The following NT5C2 variants were observed in gnomAD, a reference collection of about 807,000 sequenced individuals.
NT5C2 encodes cytosolic purine 5'-nucleotidase.
A neutral mutation model predicts 76.1 loss-of-function variants in NT5C2; 58 were observed. The observed-to-expected ratio is 0.76, with a 90% CI of 0.62 to 0.95. NT5C2 has a LOEUF of 0.95. Among genes scored for constraint, NT5C2 ranks in the 40% least tolerant of loss-of-function variants. NT5C2 has a pLI of 0.00. For missense variants in NT5C2, 478 were observed against 690.3 expected (o/e 0.69, Z 3.45); for synonymous variants, 229 against 237.4 (o/e 0.96, Z 0.32).
intron 6 of NT5C2, among the ~76,000 whole-genome samples, chr10:103,104,885 C>T (rs1307212215): frequency 6.6e-6 from 1 of 152,160 alleles, no homozygotes; most frequent in East Asian, 1.9e-4. Flanking sequence ...GGAAAAGTTA[C>T]ATAAGAGACT....
chr10:103,091,641 A>G, intron 15 of NT5C2, 26 bp from the exon 16 acceptor site: 1 of 1,592,014 alleles, frequency 6.3e-7, no homozygotes. Context: ...AAGGAAAAGG[A>G]AGACATTTTA....
Position 103,173,345 on chromosome 10 carries a change from C to T in NT5C2, c.101+1513G>A, listed in dbSNP as rs1216571388. On this transcript the variant is annotated intron_variant, in intron 3 of 18. Coordinates refer to ENST00000404739, the MANE Select transcript of NT5C2 (RefSeq NM_001351169.2). ...TAATAATTTCATTCTTGGCCAGGCG[C>T]GGTGGCTCACGCCTGTAATCCCAGC... Among the ~76,000 whole-genome samples, 4 of 151,620 alleles carry T rather than the reference C, an allele frequency of 2.6e-5. No homozygotes were observed. The East Asian group carries it at 5.9e-4, about 22-fold the overall frequency.
chr10:103,145,089 A>C (rs1423428567), intron 3 of NT5C2, among the ~76,000 whole-genome samples: 1 of 152,214 alleles, frequency 6.6e-6, no homozygotes. Context: ...TGAATAGCTG[A>C]AGTGCATAAG....
chr10:103,107,901 TC>T (rs1161547660), intron 4 of NT5C2, among the ~76,000 whole-genome samples: 6 of 152,078 alleles, frequency 3.9e-5, no homozygotes. Context: ...ACGCCTGTAA[TC>T]CCAGCACTTT....
chr10:103,102,651 GAGC>G (rs2070072134), intron 6 of NT5C2, among the ~76,000 whole-genome samples: 1 of 151,642 alleles, frequency 6.6e-6, no homozygotes, highest in African/African-American at 2.4e-5. Flanking sequence ...CCGGCAAACT[GAGC>G]AGATTTGGCT....
chr10:103,176,557 C>T (rs925776930), intron 2 of NT5C2, among the ~76,000 whole-genome samples: 3 of 152,124 alleles, frequency 2.0e-5, no homozygotes. Flanking sequence ...AGGCCACTGC[C>T]TCATCTAGGT....
chr10:103,191,581 G>C (rs544720571), intron 1 of NT5C2, among the ~76,000 whole-genome samples: 1 of 152,100 alleles, frequency 6.6e-6, no homozygotes, highest in Non-Finnish European at 1.5e-5. Flanking sequence ...GGTACTATAA[G>C]GGAATACTAT....
At chr10:103,101,189 C>T (rs1299352333) in intron 7 of NT5C2, 46 bp downstream of exon 7, 1 of 1,419,624 alleles carries the variant, frequency 7.0e-7, no homozygotes, top group South Asian at 1.2e-5. Context: ...GACTAATGGT[C>T]ACAGAAGGGA....
At chr10:103,123,011 ACTAAT>A (rs2075977699) in intron 4 of NT5C2, among the ~76,000 whole-genome samples, 1 of 152,140 alleles carries the variant, frequency 6.6e-6, no homozygotes, top group South Asian at 2.1e-4. Context: ...CTTTTCTCTC[ACTAAT>A]CTGTCTTTTC....
At chr10:103,130,825 C>G (rs1464117714) in intron 4 of NT5C2, among the ~76,000 whole-genome samples, 1 of 151,900 alleles carries the variant, frequency 6.6e-6, no homozygotes, top group African/African-American at 2.4e-5. Flanking sequence ...TTAATAGGAA[C>G]CATTAAAAAG....
chr10:103,100,293 TTTTA>T (rs2069238239), intron 8 of NT5C2, among the ~76,000 whole-genome samples: 2 of 152,226 alleles, frequency 1.3e-5, no homozygotes, highest in South Asian at 2.1e-4. Flanking sequence ...TGTCAGGTTT[TTTTA>T]TTTATCACTT....
At chr10:103,179,453 CAAAAT>C (rs2090678106) in intron 2 of NT5C2, among the ~76,000 whole-genome samples, 1 of 151,898 alleles carries the variant, frequency 6.6e-6, no homozygotes, top group Non-Finnish European at 1.5e-5. Context: ...GAGTGATATA[CAAAAT>C]AAAACAAACA....
At chr10:103,142,244 C>A (rs750807492) in intron 3 of NT5C2, among the ~76,000 whole-genome samples, 1 of 151,924 alleles carries the variant, frequency 6.6e-6, no homozygotes, top group Non-Finnish European at 1.5e-5. Flanking sequence ...GACTTTATCC[C>A]GCATTTAAGA....
intron 8 of NT5C2, among the ~76,000 whole-genome samples, chr10:103,100,235 G>T (rs1488818755): frequency 1.3e-5 from 2 of 152,194 alleles, no homozygotes; most frequent in Non-Finnish European, 2.9e-5. Flanking sequence ...AATACAAAGT[G>T]ATAGAAGAAT....
At chr10:103,165,675 AT>A (rs35146429) in intron 3 of NT5C2, among the ~76,000 whole-genome samples, 58,730 of 142,384 alleles carry the variant, frequency 0.41, 11,885 homozygotes, top group East Asian at 0.54. Context: ...TCCCAAGAGA[AT>A]TTTTTTTTTT....
intron 2 of NT5C2, 46 bp from the exon 3 acceptor site, chr10:103,175,028 T>A: frequency 1.9e-6 from 2 of 1,047,660 alleles, no homozygotes; most frequent in East Asian, 2.4e-5. Flanking sequence ...TTGGCATCTG[T>A]ATACTGACAT....
chr10:103,137,696 ATAC>A (rs1236098722), intron 4 of NT5C2, among the ~76,000 whole-genome samples: 1 of 152,236 alleles, frequency 6.6e-6, no homozygotes, highest in Non-Finnish European at 1.5e-5. Context: ...ACAGTTTCAC[ATAC>A]ACGTGCAAGC....
At chr10:103,143,775 G>T (rs1042715492) in intron 3 of NT5C2, among the ~76,000 whole-genome samples, 4 of 151,910 alleles carry the variant, frequency 2.6e-5, no homozygotes, top group Non-Finnish European at 4.4e-5. Context: ...GGGCAATATA[G>T]TGAGACCCTA....
rs755968568 is a variant in NT5C2, at chr10:103,098,996, CAAAA to C, written c.634-16_634-13del. Reference sequence around the variant, plus strand: ...TCCTTAAGGGAGCCCTGGAGGAAGACAAAAAAAAGAATTAAGAAAAGAACAAAAT... The same window carrying C: ...TCCTTAAGGGAGCCCTGGAGGAAGACAAAAGAATTAAGAAAAGAACAAAAT... On this transcript the variant is annotated splice_polypyrimidine_tract_variant and intron_variant, in intron 9 of 18. Coordinates refer to ENST00000404739, the MANE Select transcript of NT5C2 (RefSeq NM_001351169.2). 6.3e-7 allele frequency: 1 copy of C among 1,583,992 alleles called. No homozygotes were observed. Among genetic ancestry groups the C allele is most frequent in the Non-Finnish European group, 8.6e-7 (1 of 1,160,154 alleles).
Sources: gnomAD v4.1 joint callset for allele counts (sites outside exome capture counted in the v4.1 genomes callset) on GRCh38, gnomAD v4.1.1 for gene constraint, MANE v1.5 for transcripts, NCBI Gene and HGNC (gene_info 2026-07-23, HGNC 2026-07-21) for gene names.